The following MICAL2 variants were observed in gnomAD, a reference collection of about 807,000 sequenced individuals.
MICAL2 encodes the protein [F-actin]-monooxygenase MICAL2.
A neutral mutation model predicts 127.3 loss-of-function variants in MICAL2; 77 were observed. The observed-to-expected ratio is 0.60, with a 90% CI of 0.50 to 0.73. The LOEUF (loss-of-function observed/expected upper bound fraction) is 0.73, where lower values mean the gene tolerates loss of function less well. Among genes scored for constraint, MICAL2 ranks in the 30% least tolerant of loss-of-function variants. The probability of loss-of-function intolerance (pLI) is 0.00; values close to 1 mark genes in which losing one functional copy is unlikely to be tolerated. For synonymous variants in MICAL2, 570 were observed against 551.1 expected (o/e 1.03, Z -0.48); for missense variants, 1,351 against 1,434.4 (o/e 0.94, Z 0.94).
In MICAL2 at chr11:12,208,009, T is replaced by C. The variant is rs7106501; in HGVS notation, c.473-14T>C. On this transcript the variant is annotated splice_polypyrimidine_tract_variant and intron_variant, in intron 4 of 27. Coordinates refer to ENST00000683283, the MANE Select transcript of MICAL2 (RefSeq NM_001282663.2). ...TATTGCTGTGACAGTTCCTCTCTCCTTCCTGCCTGACAGGTATTCGCCAAC... is the reference window on the plus strand; with the variant it reads ...TATTGCTGTGACAGTTCCTCTCTCCCTCCTGCCTGACAGGTATTCGCCAAC... 4.7e-4 allele frequency: 748 copies of C among 1,600,504 alleles called. 4 individuals are homozygous for C. In the African/African-American group the frequency reaches 8.7e-3, roughly 19 times the overall value.
intron 21 of MICAL2, among the ~76,000 whole-genome samples, chr11:12,245,660 C>T (rs1412987749): frequency 6.6e-6 from 1 of 152,218 alleles, no homozygotes; most frequent in Non-Finnish European, 1.5e-5. Flanking sequence ...CAGCCACAGG[C>T]CAGCTGTTTG....
At chr11:12,271,356 G>A (rs1416494556), upstream of MICAL2, among the ~76,000 whole-genome samples, 3 of 152,208 alleles carry the variant, frequency 2.0e-5, no homozygotes, top group African/African-American at 7.2e-5. Flanking sequence ...CAGCCTCAGG[G>A]AGACAGCAAG....
intron 3 of MICAL2, among the ~76,000 whole-genome samples, chr11:12,189,334 C>A (rs55885935): frequency 1.3e-5 from 2 of 151,872 alleles, no homozygotes; most frequent in Non-Finnish European, 2.9e-5. Flanking sequence ...TGCTAAAGTG[C>A]GAGTACCTAT....
chr11:12,133,961 T>A (rs2133572270), intron 1 of MICAL2, among the ~76,000 whole-genome samples: 1 of 152,350 alleles, frequency 6.6e-6, no homozygotes, highest in South Asian at 2.1e-4. Context: ...AGAAATGGGC[T>A]GTGTGAGGAA....
At position 12,161,779 on chromosome 11, in the gene MICAL2, G is replaced by A. The variant is rs117022084; in HGVS notation, c.-77-300G>A. On this transcript the variant is annotated intron_variant, in intron 2 of 27. Coordinates refer to ENST00000683283, the MANE Select transcript of MICAL2 (RefSeq NM_001282663.2). ...ACTATTTGCAGAACCACTTGGCTTA[G>A]AGCAAGATTGACTAGGTACTGTTGG... 622 of 243,334 alleles carry A rather than the reference G, an allele frequency of 2.6e-3. 1 individual carries two copies. Among genetic ancestry groups the A allele is most frequent in the Middle Eastern group, 4.5e-3 (3 of 660 alleles). The allele number at this position is 243,334 out of a possible 1,614,324, so 15.1% of individuals were successfully genotyped here.
downstream of MICAL2, among the ~76,000 whole-genome samples, chr11:12,295,746 C>T (rs1353627254): frequency 1.3e-5 from 2 of 151,946 alleles, no homozygotes; most frequent in Admixed American, 1.3e-4. Context: ...GATATTATGC[C>T]AATTACCATG....
At chr11:12,184,473 C>T (rs983149896) in intron 3 of MICAL2, among the ~76,000 whole-genome samples, 2 of 152,186 alleles carry the variant, frequency 1.3e-5, no homozygotes, top group African/African-American at 2.4e-5. Flanking sequence ...AATTCCAGCC[C>T]GGGAGAGGTA....
intron 1 of MICAL2, among the ~76,000 whole-genome samples, chr11:12,277,375 T>C (rs532465483): frequency 6.6e-6 from 1 of 152,064 alleles, no homozygotes; most frequent in Admixed American, 6.6e-5. Flanking sequence ...AAGTGGGGAA[T>C]AGGCTGCTCT....
intron 8 of MICAL2, among the ~76,000 whole-genome samples, chr11:12,217,504 G>A (rs559891218): frequency 2.0e-5 from 3 of 152,250 alleles, no homozygotes; most frequent in African/African-American, 7.2e-5. Flanking sequence ...GAGTGGTGGC[G>A]TCCCCTTCTT....
chr11:12,180,349 A>ATATATATATATATATATATATATAT (rs11403732), intron 3 of MICAL2, among the ~76,000 whole-genome samples: 36 of 139,696 alleles, frequency 2.6e-4, no homozygotes, highest in African/African-American at 7.4e-4. Context: ...ATATGTATAT[A>ATATATATATATATATATATATATAT]TTTTTTTTTT....
At chr11:12,242,634 T>C (rs1483633049) in intron 19 of MICAL2, 37 bp from the exon 20 acceptor site, 2 of 1,578,952 alleles carry the variant, frequency 1.3e-6, no homozygotes, top group Non-Finnish European at 1.7e-6. Flanking sequence ...TCTGTCACTA[T>C]CTCTCTTTTC....
chr11:12,293,584 G>A (rs182474608), downstream of MICAL2: 52 of 1,612,184 alleles, frequency 3.2e-5, no homozygotes, highest in Admixed American at 2.3e-4. Context: ...AGCCCCTCTC[G>A]CAAGTCTCGA....
intron 1 of MICAL2, among the ~76,000 whole-genome samples, chr11:12,137,976 C>T (rs1010673698): frequency 2.0e-5 from 3 of 152,194 alleles, no homozygotes; most frequent in Non-Finnish European, 2.9e-5. Flanking sequence ...AAATGGGACC[C>T]GTTTCACACT....
At chr11:12,177,735 T>C (rs1399111067) in intron 3 of MICAL2, among the ~76,000 whole-genome samples, 1 of 152,214 alleles carries the variant, frequency 6.6e-6, no homozygotes, top group Admixed American at 6.5e-5. Context: ...TTATGCTTTA[T>C]TTTTCTTTTC....
chr11:12,226,990 G>A (rs1857563529), intron 14 of MICAL2, 35 bp from the exon 15 acceptor site: 3 of 1,533,460 alleles, frequency 2.0e-6, no homozygotes, highest in Non-Finnish European at 1.8e-6. Context: ...CCAGAGCCAG[G>A]TTCCAAATCA....
rs376200276 is a variant in MICAL2, at chr11:12,206,210, G to T, written c.472+1753G>T. ...ACCACTTTCTCATCAAGTTCTCTTGGGGGGCAGAACTGGGTACCAGGATGC... is the reference window on the plus strand; with the variant it reads ...ACCACTTTCTCATCAAGTTCTCTTGTGGGGCAGAACTGGGTACCAGGATGC... On this transcript the variant is annotated intron_variant, in intron 4 of 27. Transcript: ENST00000683283. 1.2e-4 allele frequency among the ~76,000 whole-genome samples: 18 copies of T among 152,274 alleles called. No homozygotes were observed. The South Asian group carries it at 3.1e-3, about 26-fold the overall frequency.
chr11:12,330,536 G>C (rs571340384), intron 32 of MICAL2, among the ~76,000 whole-genome samples: 2 of 152,150 alleles, frequency 1.3e-5, no homozygotes, highest in African/African-American at 2.4e-5. Flanking sequence ...CATTAGGCGG[G>C]CATTGAATTA....
chr11:12,184,591 A>C (rs1265212107), intron 3 of MICAL2, among the ~76,000 whole-genome samples: 1 of 152,214 alleles, frequency 6.6e-6, no homozygotes, highest in Non-Finnish European at 1.5e-5. Flanking sequence ...AGATTTCATA[A>C]ATAAATTCCC....
intron 33 of MICAL2, among the ~76,000 whole-genome samples, chr11:12,354,085 G>A (rs1939093605): frequency 1.3e-5 from 2 of 152,326 alleles, no homozygotes; most frequent in Non-Finnish European, 2.9e-5. Flanking sequence ...GCACATTGCA[G>A]CCTTCAGCTG....
Sources: gnomAD v4.1 joint callset for allele counts (sites outside exome capture counted in the v4.1 genomes callset) on GRCh38, gnomAD v4.1.1 for gene constraint, MANE v1.5 for transcripts, NCBI Gene and HGNC (gene_info 2026-07-23, HGNC 2026-07-21) for gene names.